Variants in SLC12A2 observed in about 807,000 individuals in gnomAD.
SLC12A2 encodes Na-K-2Cl cotransporter 1.
SLC12A2 carries 67 observed loss-of-function variants against 136.3 expected under a neutral mutation model. The observed-to-expected ratio is 0.49, with a 90% CI of 0.40 to 0.60. The LOEUF (loss-of-function observed/expected upper bound fraction) is 0.60, where lower values mean the gene tolerates loss of function less well. Among genes scored for constraint, SLC12A2 ranks in the 20% least tolerant of loss-of-function variants. The probability of loss-of-function intolerance (pLI) is 0.00; values close to 1 mark genes in which losing one functional copy is unlikely to be tolerated. For synonymous variants in SLC12A2, 619 were observed against 562.9 expected, an observed-to-expected ratio of 1.10 and a Z score of -1.41; for missense variants, 1,322 against 1,534.7, an observed-to-expected ratio of 0.86 and a Z score of 2.32.
Position 128,187,492 on chromosome 5 carries a change from G to A in SLC12A2, c.*861G>A, listed in dbSNP as rs1289695696. The A allele has an allele frequency of 6.6e-6, 1 of 151,844 alleles. No individual in the cohort carries two copies. The highest frequency in any genetic ancestry group is 1.5e-5 in the Non-Finnish European group (1 of 67,942). The allele number at this position is 151,844 out of a possible 1,614,324, so 9.4% of individuals were successfully genotyped here. ...ATTTAGAATTTCCCTCAAATCTGAG[G>A]GACTTTTAAGAAATGCTAACAGATT... is the stretch of plus-strand genomic sequence containing the variant. On this transcript the variant is annotated 3_prime_UTR_variant, in exon 27 of 27. Coordinates refer to ENST00000262461, the MANE Select transcript of SLC12A2 (RefSeq NM_001046.3).
rs1763883524 is a variant in SLC12A2, at chr5:128,186,780, T to A, written c.*149T>A. Reference sequence around the variant, plus strand: ...ATTTGAAAGCACACAGGAAAGTTGCTCCATTGATAACGTGTATGGAGACTT... The same window carrying A: ...ATTTGAAAGCACACAGGAAAGTTGCACCATTGATAACGTGTATGGAGACTT... On this transcript the variant is annotated 3_prime_UTR_variant, in exon 27 of 27. Transcript: ENST00000262461. 1 of 805,346 alleles carries A rather than the reference T, an allele frequency of 1.2e-6. No homozygotes were observed. Among genetic ancestry groups the A allele is most frequent in the South Asian group, 2.0e-5 (1 of 49,598 alleles). 49.9% of individuals were successfully genotyped at this position (805,346 alleles called of 1,614,324 possible).
chr5:128,112,843 G>A lies in SLC12A2; in HGVS notation c.786G>A (p.Gly262=). Residue 262 remains glycine (G), a synonymous_variant, in exon 2 of 27, where the codon GGG becomes GGA. Coordinates refer to ENST00000262461, the MANE Select transcript of SLC12A2 (RefSeq NM_001046.3). ...KEPFEDGFAN[G]EESTPTRDAV... ...CTTTTGAGGATGGCTTTGCAAATGG[G>A]GAAGAAAGTACTCCAACCAGAGATG... The A allele has an allele frequency of 6.2e-7, 1 of 1,611,494 alleles. No homozygotes were observed. The highest frequency in any genetic ancestry group is 1.1e-5 in the South Asian group (1 of 90,612).
At chr5:128,142,072 C>A in intron 10 of SLC12A2, 91 bp downstream of exon 10, 2 of 1,051,080 alleles carry the variant, frequency 1.9e-6, no homozygotes, top group Non-Finnish European at 2.8e-6. Flanking sequence ...ATAGCTGTAA[C>A]ATAGAAGGGA....
intron 15 of SLC12A2, among the ~76,000 whole-genome samples, chr5:128,154,073 A>AC (rs1351466172): frequency 1.3e-5 from 2 of 151,554 alleles, no homozygotes; most frequent in Non-Finnish European, 1.5e-5. Context: ...AAAAACAAAA[A>AC]AAAAAAACCT....
rs376594116 is a variant in SLC12A2 at position 128,158,836 on chromosome 5, C to G, written c.2475+672C>G. On this transcript the variant is annotated intron_variant, in intron 16 of 26. Coordinates refer to ENST00000262461, the MANE Select transcript of SLC12A2 (RefSeq NM_001046.3). The stretch of plus-strand genomic sequence containing the variant: ...CCCACCAGCAGTGTATAAGTGTTTT[C>G]TTTTCTCTGCAACCTCACCAGCATC... Among the ~76,000 whole-genome samples the G allele has an allele frequency of 6.8e-5, 10 of 146,930 alleles. No individual in the cohort carries two copies. The East Asian group carries it at 2.0e-3, about 29-fold the overall frequency.
intron 1 of SLC12A2, among the ~76,000 whole-genome samples, chr5:128,090,276 A>G (rs1561650172): frequency 1.3e-5 from 2 of 152,218 alleles, no homozygotes; most frequent in Non-Finnish European, 2.9e-5. Context: ...AAAAATCAGT[A>G]CACTGCTAAA....
intron 9 of SLC12A2, 101 bp from the exon 10 acceptor site, chr5:128,141,729 A>T (rs1762369126): frequency 1.2e-5 from 10 of 863,938 alleles, no homozygotes; most frequent in Non-Finnish European, 1.7e-5. Flanking sequence ...GTAGATATGT[A>T]GTCACTACTT....
At chr5:128,133,984 C>CT (rs1046776370) in intron 5 of SLC12A2, among the ~76,000 whole-genome samples, 181 bp from the exon 6 acceptor site, 1 of 152,030 alleles carries the variant, frequency 6.6e-6, no homozygotes, top group African/African-American at 2.4e-5. Context: ...GCTTGAATGA[C>CT]TAACACCTCA....
Position 128,084,396 on chromosome 5 carries a change from G to A in SLC12A2, c.442G>A (p.Ala148Thr). ...RFRVNFVDPA[A>T]SSSAEDSLSD... ...CCGCGTGAACTTCGTGGACCCAGCT[G>A]CCTCCTCGTCGGCTGAAGACAGCCT... The change falls in exon 1 of 27, where the codon GCC becomes ACC. Residue 148 changes from alanine (A) to threonine (T), a missense_variant. This residue lies in a region of SLC12A2 where 358 missense variants were observed against 299.7 expected (regional missense o/e 1.19). Coordinates refer to ENST00000262461, the MANE Select transcript of SLC12A2 (RefSeq NM_001046.3). The surrounding 1 kb of genome is among the most constrained non-coding windows in gnomAD (Gnocchi z 5.6). 1.2e-6 allele frequency: 2 copies of A among 1,610,086 alleles called. No individual in the cohort carries two copies. Among genetic ancestry groups the A allele is most frequent in the South Asian group, 2.2e-5 (2 of 90,888 alleles).
chr5:128,090,622 G>A (rs1581047583), intron 1 of SLC12A2, among the ~76,000 whole-genome samples: 1 of 152,234 alleles, frequency 6.6e-6, no homozygotes, highest in Admixed American at 6.5e-5. Flanking sequence ...TTAAAGCAGG[G>A]CGAGGAAAAT....
chr5:128,138,342 G>A (rs1164062501), intron 7 of SLC12A2, among the ~76,000 whole-genome samples: 1 of 152,128 alleles, frequency 6.6e-6, no homozygotes, highest in East Asian at 1.9e-4. Context: ...AATTCATTCA[G>A]AGGCTCTTGA....
chr5:128,167,455 G>A (rs1001554993), intron 17 of SLC12A2, among the ~76,000 whole-genome samples: 38 of 152,070 alleles, frequency 2.5e-4, no homozygotes, highest in African/African-American at 8.7e-4. Flanking sequence ...TTTTTAAAAA[G>A]ATTATATTCT....
chr5:128,140,487 G>T (rs777968389), intron 9 of SLC12A2, among the ~76,000 whole-genome samples: 1 of 152,242 alleles, frequency 6.6e-6, no homozygotes, highest in South Asian at 2.1e-4. Context: ...TGACATAATT[G>T]ATTATGTTTT....
chr5:128,151,594 A>G (rs1762705051), intron 14 of SLC12A2, among the ~76,000 whole-genome samples, 198 bp downstream of exon 14: 1 of 151,972 alleles, frequency 6.6e-6, no homozygotes, highest in South Asian at 2.1e-4. Flanking sequence ...TTAATAAAAC[A>G]GTTACTTTGA....
Position 128,111,062 on chromosome 5 carries a change from T to C in SLC12A2, c.757-1752T>C, listed in dbSNP as rs557774867. 1.3e-5 allele frequency: 8 copies of C among 614,064 alleles called. No individual in the cohort carries two copies. In the African/African-American group the frequency reaches 1.5e-4, roughly 11 times the overall value. 38.0% of individuals were successfully genotyped at this position (614,064 alleles called of 1,614,324 possible). On this transcript the variant is annotated intron_variant, in intron 1 of 26. Coordinates refer to ENST00000262461, the MANE Select transcript of SLC12A2 (RefSeq NM_001046.3). ...GACTCTTAACTAAAAAGAATTTTTT[T>C]AAGTATTAATTCCATGGACAATATA...
At chr5:128,097,953 G>A (rs1581055018) in intron 1 of SLC12A2, among the ~76,000 whole-genome samples, 2 of 152,032 alleles carry the variant, frequency 1.3e-5, no homozygotes, top group South Asian at 4.1e-4. Flanking sequence ...AGTTTTGCTG[G>A]ATATAGAATT....
intron 1 of SLC12A2, among the ~76,000 whole-genome samples, chr5:128,089,363 C>T (rs762355581): frequency 3.3e-5 from 5 of 152,016 alleles, no homozygotes; most frequent in Admixed American, 6.6e-5. Context: ...ACAGCCACTG[C>T]GCTTCAGCAT....
chr5:128,093,961 T>G (rs900924266), intron 1 of SLC12A2, among the ~76,000 whole-genome samples: 4 of 152,100 alleles, frequency 2.6e-5, no homozygotes, highest in African/African-American at 9.7e-5. Flanking sequence ...ACGTGGCCTT[T>G]GTACATGGTA....
chr5:128,088,462 T>C (rs1333881221), intron 1 of SLC12A2, among the ~76,000 whole-genome samples: 1 of 152,218 alleles, frequency 6.6e-6, no homozygotes, highest in Non-Finnish European at 1.5e-5. Context: ...GATGGAATGC[T>C]AGATTATCAA....
Sources: gnomAD v4.1 joint callset for allele counts (sites outside exome capture counted in the v4.1 genomes callset) on GRCh38, gnomAD v4.1.1 for gene constraint, gnomAD v4.1.1 regional missense constraint, Gnocchi (gnomAD v3.1) non-coding constraint, MANE v1.5 for transcripts, NCBI Gene and HGNC (gene_info 2026-07-23, HGNC 2026-07-21) for gene names.